The following AMMECR1 variants were observed in gnomAD, a reference collection of about 807,000 sequenced individuals.
AMMECR1 encodes nuclear protein AMMECR1.
Under a neutral mutation model 22.5 loss-of-function variants are expected in AMMECR1, and 3 were observed. That is an observed-to-expected ratio of 0.13 (90% CI 0.06 to 0.35). The LOEUF (loss-of-function observed/expected upper bound fraction) is 0.35, where lower values mean the gene tolerates loss of function less well. Ranked by LOEUF, AMMECR1 falls within the 10% of genes least tolerant of loss-of-function variation. AMMECR1 has a pLI of 1.00. For missense variants in AMMECR1, 235 were observed against 278.7 expected (o/e 0.84, Z 1.12); for synonymous variants, 130 against 116.7 (o/e 1.11, Z -0.74).
chrX:110,420,531 G>A (rs1332168853), intron 2 of AMMECR1, among the ~76,000 whole-genome samples: 1 of 111,854 alleles, frequency 8.9e-6, no homozygotes, highest in Non-Finnish European at 1.9e-5. Context: ...CAGAGCAAGG[G>A]GCTTGATCCA....
At chrX:110,361,532 T>C (rs1400194735) in intron 2 of AMMECR1, among the ~76,000 whole-genome samples, 1 of 111,284 alleles carries the variant, frequency 9.0e-6, no homozygotes, top group Non-Finnish European at 1.9e-5. Context: ...CATCTGACAC[T>C]CAGTAACAAC....
chrX:110,377,464 GCTTT>G (rs1217502621), intron 2 of AMMECR1, among the ~76,000 whole-genome samples: 4 of 111,250 alleles, frequency 3.6e-5, no homozygotes, highest in Non-Finnish European at 5.7e-5. Context: ...GAATTTCTTG[GCTTT>G]CTTTTTTTCT....
rs752256773 is a variant in AMMECR1 at position 110,275,698 on chromosome X, C to T, written c.474-11099G>A. ...ATATAAAATTAGCTGGGTGTGGTGA[C>T]GCATGCCTGTAATCTCAGCTACTCA... is the stretch of plus-strand genomic sequence containing the variant. On this transcript the variant is annotated intron_variant, in intron 1 of 5. Transcript: ENST00000262844. Among the ~76,000 whole-genome samples the T allele has an allele frequency of 4.5e-5, 5 of 110,610 alleles. No homozygotes were observed. In the East Asian group the frequency reaches 1.1e-3, roughly 25 times the overall value.
intron 2 of AMMECR1, among the ~76,000 whole-genome samples, chrX:110,415,618 G>A (rs1025321462): frequency 1.8e-5 from 2 of 111,272 alleles, no homozygotes; most frequent in African/African-American, 6.5e-5. Context: ...TCTGACTCAG[G>A]TTTGCATGGT....
intron 2 of AMMECR1, among the ~76,000 whole-genome samples, chrX:110,409,137 A>C (rs1392310694): frequency 2.7e-5 from 3 of 111,471 alleles, no homozygotes; most frequent in Non-Finnish European, 5.7e-5. Context: ...AGCTGGAGTC[A>C]GGCATGTAGG....
intron 2 of AMMECR1, among the ~76,000 whole-genome samples, chrX:110,243,020 G>A (rs765626898): frequency 2.9e-4 from 33 of 111,972 alleles, no homozygotes; most frequent in African/African-American, 9.7e-4. Flanking sequence ...CTGAATTTCA[G>A]AGCTTCTCTT....
At chrX:110,354,361 CT>C (rs1398110182) in intron 2 of AMMECR1, among the ~76,000 whole-genome samples, 2 of 111,863 alleles carry the variant, frequency 1.8e-5, no homozygotes, top group Non-Finnish European at 3.8e-5. Context: ...CATGTACATA[CT>C]TTTTTCTTGT....
At chrX:110,309,068 C>T (rs757269513) in intron 1 of AMMECR1, 1 of 112,002 alleles carries the variant, frequency 8.9e-6, no homozygotes, top group African/African-American at 3.2e-5. Flanking sequence ...TTTATTTGCA[C>T]CCCAAACCAC....
At chrX:110,210,423 T>A (rs1282182347) in intron 3 of AMMECR1, among the ~76,000 whole-genome samples, 1 of 111,658 alleles carries the variant, frequency 9.0e-6, no homozygotes, top group African/African-American at 3.3e-5. Context: ...AAACATGATG[T>A]ATATCATAGT....
chrX:110,252,509 A>G (rs769775534), intron 2 of AMMECR1, among the ~76,000 whole-genome samples: 44 of 112,093 alleles, frequency 3.9e-4, no homozygotes, highest in African/African-American at 1.3e-3. Context: ...AGTGTTCATG[A>G]TAAAATGAGT....
intron 2 of AMMECR1, 128 bp downstream of exon 2, chrX:110,264,361 G>C (rs745666623): frequency 1.4e-5 from 6 of 429,554 alleles, no homozygotes; most frequent in Non-Finnish European, 2.5e-5. Context: ...TAAAGACAAA[G>C]GAAAAACCTG....
At chrX:110,288,767 T>C (rs2067893574) in intron 1 of AMMECR1, among the ~76,000 whole-genome samples, 1 of 112,293 alleles carries the variant, frequency 8.9e-6, no homozygotes, top group South Asian at 3.7e-4. Flanking sequence ...AATTCTTATG[T>C]AGACTAGAGT....
At chrX:110,318,909 T>C (rs2068068251), upstream of AMMECR1, among the ~76,000 whole-genome samples, 1 of 112,442 alleles carries the variant, frequency 8.9e-6, no homozygotes, top group Non-Finnish European at 1.9e-5. Context: ...AATACTTCAC[T>C]GGTTCAAAGA....
intron 1 of AMMECR1, among the ~76,000 whole-genome samples, chrX:110,269,278 A>C (rs1235829050): frequency 6.2e-5 from 7 of 112,193 alleles, no homozygotes; most frequent in Non-Finnish European, 3.8e-5. Flanking sequence ...AATACAATTA[A>C]GTGATACAAC....
At chrX:110,323,086 C>G (rs2068085273) in intron 2 of AMMECR1, among the ~76,000 whole-genome samples, 1 of 112,035 alleles carries the variant, frequency 8.9e-6, no homozygotes, top group African/African-American at 3.2e-5. Context: ...TTCTTTCATG[C>G]CACTTGACGG....
chrX:110,329,094 G>A (rs967249741), intron 2 of AMMECR1, among the ~76,000 whole-genome samples: 7 of 112,179 alleles, frequency 6.2e-5, no homozygotes, highest in African/African-American at 1.6e-4. Context: ...ATGTAAAAGC[G>A]TTCCCATTTC....
chrX:110,246,649 T>A (rs780318950), intron 2 of AMMECR1, among the ~76,000 whole-genome samples: 5 of 112,120 alleles, frequency 4.5e-5, no homozygotes, highest in Non-Finnish European at 3.8e-5. Context: ...GGAAAGACAA[T>A]CATGTAAGAA....
chrX:110,339,658 G>A (rs1042909590), intron 2 of AMMECR1, among the ~76,000 whole-genome samples: 15 of 109,414 alleles, frequency 1.4e-4, no homozygotes, highest in East Asian at 2.9e-4. Flanking sequence ...CACCACGCCC[G>A]GCTAATTTTG....
chrX:110,344,633 C>T (rs1390235424), intron 2 of AMMECR1, among the ~76,000 whole-genome samples: 1 of 110,527 alleles, frequency 9.0e-6, no homozygotes, highest in Non-Finnish European at 1.9e-5. Flanking sequence ...ACAATGAACT[C>T]AAACAAATTC....
Sources: gnomAD v4.1 joint callset for allele counts (sites outside exome capture counted in the v4.1 genomes callset) on GRCh38, gnomAD v4.1.1 for gene constraint, MANE v1.5 for transcripts, NCBI Gene and HGNC (gene_info 2026-07-23, HGNC 2026-07-21) for gene names.